STXBP3: variants seen among roughly 807,000 people sequenced by gnomAD.
STXBP3 encodes the protein syntaxin-binding protein 3.
Under a neutral mutation model 85.7 loss-of-function variants are expected in STXBP3, and 41 were observed. The ratio of observed to expected loss-of-function variants is 0.48; its 90% CI spans 0.37 to 0.62. The LOEUF is 0.62. Ranked by LOEUF, STXBP3 falls within the 20% of genes least tolerant of loss-of-function variation. STXBP3 has a pLI of 0.00. For missense variants in STXBP3, 563 were observed against 703.1 expected (o/e 0.80, Z 2.25); for synonymous variants, 229 against 231.7 (o/e 0.99, Z 0.10).
chr1:108,764,454 G>A (rs1662214205), intron 6 of STXBP3, among the ~76,000 whole-genome samples: 1 of 152,090 alleles, frequency 6.6e-6, no homozygotes, highest in Non-Finnish European at 1.5e-5. Context: ...TGTTTTTTAG[G>A]TCTTTGAGGA....
At chr1:108,807,954 A>C (rs1020709356) in intron 18 of STXBP3, among the ~76,000 whole-genome samples, 1 of 152,240 alleles carries the variant, frequency 6.6e-6, no homozygotes, top group Non-Finnish European at 1.5e-5. Context: ...CATTTGAGAC[A>C]AAATTTAATG....
At chr1:108,780,432 G>A (rs932385489) in intron 9 of STXBP3, 1 of 151,128 alleles carries the variant, frequency 6.6e-6, no homozygotes, top group Admixed American at 6.6e-5. Context: ...TTTTTAAAAA[G>A]CTACTATACT....
At chr1:108,806,987 C>T (rs929414982) in intron 17 of STXBP3, among the ~76,000 whole-genome samples, 2 of 152,162 alleles carry the variant, frequency 1.3e-5, no homozygotes, top group Admixed American at 1.3e-4. Flanking sequence ...GGCGCGGTGG[C>T]TTATGCCTGT....
chr1:108,754,465 A>G (rs1344707552), intron 3 of STXBP3, among the ~76,000 whole-genome samples: 1 of 152,224 alleles, frequency 6.6e-6, no homozygotes, highest in African/African-American at 2.4e-5. Flanking sequence ...TGAAATATTG[A>G]TTAAGCCACT....
At chr1:108,755,269 G>T (rs564906916) in intron 3 of STXBP3, among the ~76,000 whole-genome samples, 6 of 152,052 alleles carry the variant, frequency 3.9e-5, no homozygotes, top group African/African-American at 1.4e-4. Flanking sequence ...AATATAGTGA[G>T]ACTTTGTCTC....
At chr1:108,805,104 G>T (rs904037007) in intron 17 of STXBP3, among the ~76,000 whole-genome samples, 3 of 152,172 alleles carry the variant, frequency 2.0e-5, no homozygotes, top group African/African-American at 7.2e-5. Context: ...TCACATGTGT[G>T]TGAAACAAAT....
At chr1:108,760,587 A>G (rs1003512695) in intron 6 of STXBP3, among the ~76,000 whole-genome samples, 5 of 152,188 alleles carry the variant, frequency 3.3e-5, no homozygotes, top group African/African-American at 4.8e-5. Flanking sequence ...AATACTCCCT[A>G]TGTGTCATAT....
Position 108,782,020 on chromosome 1 carries a change from G to A in STXBP3, c.810-402G>A, listed in dbSNP as rs149778016. The A allele has an allele frequency of 2.2e-3, 341 of 156,000 alleles. 4 individuals carry two copies. Among genetic ancestry groups the A allele is most frequent in the African/African-American group, 7.7e-3 (321 of 41,616 alleles). The allele number at this position is 156,000 out of a possible 1,614,324, so 9.7% of individuals were successfully genotyped here. ...GCCACTGCACCTGGCCGATATTCCT[G>A]TTCTTAATGGAAATTTGATAATTGT... is the stretch of plus-strand genomic sequence containing the variant. On this transcript the variant is annotated intron_variant, in intron 9 of 18. Transcript: ENST00000370008.
chr1:108,763,957 T>C (rs1169593139), intron 6 of STXBP3, among the ~76,000 whole-genome samples: 1 of 152,138 alleles, frequency 6.6e-6, no homozygotes, highest in Non-Finnish European at 1.5e-5. Flanking sequence ...TCAAGGGGGT[T>C]TGTTACACAG....
intron 3 of STXBP3, among the ~76,000 whole-genome samples, chr1:108,755,175 A>G (rs139460569): frequency 9.1e-4 from 138 of 152,210 alleles, no homozygotes; most frequent in African/African-American, 3.2e-3. Context: ...GCTGGGTACA[A>G]TGACTCATGC....
intron 4 of STXBP3, among the ~76,000 whole-genome samples, chr1:108,758,297 G>T (rs1662062041): frequency 6.7e-6 from 1 of 148,934 alleles, no homozygotes; most frequent in African/African-American, 2.5e-5. Context: ...AACCAAAAAT[G>T]GTTAATATTA....
chr1:108,800,517 T>A (rs1428394227), intron 17 of STXBP3, among the ~76,000 whole-genome samples: 3 of 152,226 alleles, frequency 2.0e-5, no homozygotes, highest in Admixed American at 6.5e-5. Flanking sequence ...AAGTATTTCC[T>A]TCCCCACCTC....
intron 6 of STXBP3, chr1:108,766,796 C>T (rs939968811): frequency 2.4e-5 from 6 of 246,498 alleles, no homozygotes; most frequent in Non-Finnish European, 4.9e-5. Context: ...CTCAAACCCT[C>T]CAAATTGACT....
rs141839754 is a variant in STXBP3 at position 108,801,656 on chromosome 1, A to ATT, written c.1535+1351_1535+1352insTT. Among the ~76,000 whole-genome samples, 101 of 138,874 alleles carry ATT rather than the reference A, an allele frequency of 7.3e-4. No homozygotes were observed. In the East Asian group the frequency reaches 0.026, roughly 35 times the overall value. 91.1% of individuals were successfully genotyped at this position (138,874 alleles called of 152,430 possible). ...GTTCTTAAGTCTCCCTCCTTTTTTT[A>ATT]ATTTTTTTTTTTTTTTTAAATAGAG... is the stretch of plus-strand genomic sequence containing the variant. On this transcript the variant is annotated intron_variant, in intron 17 of 18. Transcript: ENST00000370008.
At chr1:108,789,252 C>A (rs1248672943) in intron 11 of STXBP3, among the ~76,000 whole-genome samples, 1 of 152,120 alleles carries the variant, frequency 6.6e-6, no homozygotes. Flanking sequence ...GGGTCACATA[C>A]AGCCCAGGAC....
chr1:108,803,422 T>C (rs1169468635), intron 17 of STXBP3, among the ~76,000 whole-genome samples: 1 of 152,212 alleles, frequency 6.6e-6, no homozygotes, highest in Non-Finnish European at 1.5e-5. Context: ...ACCCCTTTCG[T>C]GTGGGCTCAG....
chr1:108,757,006 A>G, intron 4 of STXBP3: 1 of 281,596 alleles, frequency 3.6e-6, no homozygotes, highest in Non-Finnish European at 6.6e-6. Flanking sequence ...ATTGTATAAA[A>G]TAACATTTCT....
Position 108,796,646 on chromosome 1 carries a change from T to A in STXBP3, c.1276T>A (p.Leu426Met). The A allele has an allele frequency of 6.2e-7, 1 of 1,613,518 alleles. No homozygotes were observed. Among genetic ancestry groups the A allele is most frequent in the Non-Finnish European group, 8.5e-7 (1 of 1,179,762 alleles). Reference protein sequence around the residue: ...NGTTEENLDRLIQNVKIENES... With the variant: ...NGTTEENLDRMIQNVKIENES... ...AACTACGGAAGAAAATTTGGACAGGTTGATCCAGAATGTAAAGATAGAAAA... is the reference window on the plus strand; with the variant it reads ...AACTACGGAAGAAAATTTGGACAGGATGATCCAGAATGTAAAGATAGAAAA... Residue 426 changes from leucine to methionine, a missense_variant, in exon 15 of 19, where the codon TTG becomes ATG. Coordinates refer to ENST00000370008, the MANE Select transcript of STXBP3 (RefSeq NM_007269.4).
chr1:108,790,031 TA>T (rs1347400508), intron 11 of STXBP3, among the ~76,000 whole-genome samples: 8 of 151,364 alleles, frequency 5.3e-5, no homozygotes, highest in African/African-American at 1.9e-4. Context: ...ACCTAGCATA[TA>T]TTATCATAAG....
Sources: allele counts gnomAD v4.1 joint callset (sites outside exome capture counted in the v4.1 genomes callset), GRCh38; gene constraint gnomAD v4.1.1; transcripts MANE v1.5; gene names NCBI Gene and HGNC (gene_info 2026-07-23, HGNC 2026-07-21).